Variants in GRM7 observed in about 807,000 individuals in gnomAD.
GRM7 encodes the protein glutamate metabotropic receptor 7.
GRM7 carries 35 observed loss-of-function variants against 84.5 expected under a neutral mutation model. The observed-to-expected ratio is 0.41, with a 90% confidence interval of 0.32 to 0.55. The LOEUF is 0.55. GRM7 is among the 20% of genes least tolerant of loss of function. The pLI, the probability that GRM7 is intolerant of heterozygous loss-of-function variation, is 0.19. For missense variants in GRM7, 1,003 were observed against 1,194.6 expected (o/e 0.84, Z 2.36); for synonymous variants, 487 against 455.1 (o/e 1.07, Z -0.89).
intron 4 of GRM7, among the ~76,000 whole-genome samples, chr3:7,334,644 A>G (rs990720076): frequency 2.0e-5 from 3 of 152,274 alleles, no homozygotes; most frequent in Non-Finnish European, 4.4e-5. Flanking sequence ...TTAAAAGTCT[A>G]TCAACCAAGT....
chr3:7,339,562 G>A (rs1453364422), intron 4 of GRM7, among the ~76,000 whole-genome samples: 2 of 152,096 alleles, frequency 1.3e-5, no homozygotes, highest in Non-Finnish European at 2.9e-5. Context: ...CGACCTCTGA[G>A]CTCCACCCTC....
At chr3:6,901,623 A>AAAAAAAAAAAAAAAAAAG (rs1559317759) in intron 1 of GRM7, among the ~76,000 whole-genome samples, 7 of 141,366 alleles carry the variant, frequency 5.0e-5, no homozygotes, top group African/African-American at 1.8e-4. Flanking sequence ...AAAAAAAAAA[A>AAAAAAAAAAAAAAAAAAG]AAAAAAAAAA....
At chr3:7,638,626 G>T (rs1698215443) in intron 8 of GRM7, among the ~76,000 whole-genome samples, 1 of 152,168 alleles carries the variant, frequency 6.6e-6, no homozygotes, top group South Asian at 2.1e-4. Context: ...TCTGAAATTG[G>T]CATGCTGTTG....
chr3:6,908,938 C>T (rs1239753340), intron 1 of GRM7, among the ~76,000 whole-genome samples: 1 of 152,070 alleles, frequency 6.6e-6, no homozygotes, highest in Non-Finnish European at 1.5e-5. Context: ...AATTTTTTCT[C>T]CCCATTTCTT....
chr3:6,874,583 A>C (rs1175650502), intron 1 of GRM7, among the ~76,000 whole-genome samples: 1 of 152,220 alleles, frequency 6.6e-6, no homozygotes, highest in Non-Finnish European at 1.5e-5. Flanking sequence ...TGATAAAGAC[A>C]CTGAGGTGTT....
At chr3:6,988,031 C>G (rs904363094) in intron 1 of GRM7, among the ~76,000 whole-genome samples, 8 of 140,004 alleles carry the variant, frequency 5.7e-5, no homozygotes, top group African/African-American at 1.6e-4. Context: ...GAGTCTTGCT[C>G]TGTCACCCAG....
chr3:7,611,645 C>G (rs1696850970), intron 8 of GRM7, among the ~76,000 whole-genome samples: 1 of 152,152 alleles, frequency 6.6e-6, no homozygotes, highest in Non-Finnish European at 1.5e-5. Flanking sequence ...TAGAATAGCT[C>G]TGTTCTTGCT....
At chr3:7,411,810 T>C (rs1695949503) in intron 4 of GRM7, among the ~76,000 whole-genome samples, 1 of 152,236 alleles carries the variant, frequency 6.6e-6, no homozygotes, top group Non-Finnish European at 1.5e-5. Context: ...CTAGTGCATG[T>C]ACCTAGCAGT....
chr3:7,297,915 A>C (rs915342870), intron 2 of GRM7, among the ~76,000 whole-genome samples: 1 of 152,190 alleles, frequency 6.6e-6, no homozygotes, highest in African/African-American at 2.4e-5. Context: ...ATGTATACGC[A>C]TTGCTTAGTA....
intron 4 of GRM7, among the ~76,000 whole-genome samples, chr3:7,351,129 A>G (rs1693122027): frequency 6.6e-6 from 1 of 152,058 alleles, no homozygotes; most frequent in African/African-American, 2.4e-5. Context: ...GTCTTCTCTC[A>G]TAGAAAGAAG....
At chr3:7,528,318 T>C (rs1171341866) in intron 7 of GRM7, among the ~76,000 whole-genome samples, 1 of 152,124 alleles carries the variant, frequency 6.6e-6, no homozygotes, top group East Asian at 1.9e-4. Flanking sequence ...TATAAAGGTG[T>C]TCATAATAGT....
chr3:6,960,502 T>G (rs1693251316), intron 1 of GRM7, among the ~76,000 whole-genome samples: 1 of 152,196 alleles, frequency 6.6e-6, no homozygotes, highest in South Asian at 2.1e-4. Flanking sequence ...ATTCCCATTT[T>G]ACTCTGTAAC....
chr3:7,322,043 C>A (rs112760156), intron 4 of GRM7, among the ~76,000 whole-genome samples: 1 of 151,906 alleles, frequency 6.6e-6, no homozygotes, highest in Admixed American at 6.6e-5. Context: ...ACAGGATTCC[C>A]TTGAAATTAG....
At chr3:7,468,366 C>G (rs1412418057) in intron 7 of GRM7, among the ~76,000 whole-genome samples, 1 of 152,138 alleles carries the variant, frequency 6.6e-6, no homozygotes, top group African/African-American at 2.4e-5. Context: ...GAACAGTAGG[C>G]TTTAAAGCTG....
Position 7,740,665 on chromosome 3 carries a change from T to A in GRM7, c.*259T>A. On this transcript the variant is annotated 3_prime_UTR_variant, in exon 10 of 10. Coordinates refer to ENST00000357716, the MANE Select transcript of GRM7 (RefSeq NM_000844.4). ...GGACCTTCCCTACCAAAGGGAGTGT[T>A]GAAACTCAAGTCCCGCCCTGGCTCT... is the stretch of plus-strand genomic sequence containing the variant. The A allele has an allele frequency of 5.7e-6, 2 of 353,210 alleles. No individual in the cohort carries two copies. Among genetic ancestry groups the A allele is most frequent in the Non-Finnish European group, 1.0e-5 (2 of 197,980 alleles). 21.9% of individuals were successfully genotyped at this position (353,210 alleles called of 1,614,324 possible).
chr3:7,162,784 G>A (rs1367871825), intron 2 of GRM7, among the ~76,000 whole-genome samples: 1 of 64,096 alleles, frequency 1.6e-5, no homozygotes, highest in East Asian at 6.4e-4. Flanking sequence ...TTTTGAGATG[G>A]AGTCTCATTC....
At chr3:7,355,516 T>C (rs1693358358) in intron 4 of GRM7, among the ~76,000 whole-genome samples, 1 of 152,116 alleles carries the variant, frequency 6.6e-6, no homozygotes, top group Non-Finnish European at 1.5e-5. Context: ...GATGCTGTTA[T>C]AATTTCGTAG....
intron 1 of GRM7, among the ~76,000 whole-genome samples, chr3:7,139,682 C>T (rs1031533721): frequency 3.3e-5 from 5 of 151,892 alleles, no homozygotes; most frequent in African/African-American, 1.2e-4. Context: ...GTCGATACAG[C>T]TGATTATAAA....
intron 2 of GRM7, among the ~76,000 whole-genome samples, chr3:7,229,759 A>ATTTTTTT (rs1200808989): frequency 4.3e-4 from 13 of 30,434 alleles, no homozygotes; most frequent in Admixed American, 1.6e-3. Context: ...ATATATATAT[A>ATTTTTTT]TTTTTTTTTT....
Sources: gnomAD v4.1 joint callset for allele counts (sites outside exome capture counted in the v4.1 genomes callset) on GRCh38, gnomAD v4.1.1 for gene constraint, MANE v1.5 for transcripts, NCBI Gene and HGNC (gene_info 2026-07-23, HGNC 2026-07-21) for gene names.